The following ASTN2 variants were observed in gnomAD, a reference collection of about 807,000 sequenced individuals.
The protein encoded by ASTN2 is astrotactin 2.
In ASTN2, 54 loss-of-function variants were observed where a neutral mutation model predicts 139.8. The ratio of observed to expected loss-of-function variants is 0.39; its 90% confidence interval spans 0.31 to 0.48. The LOEUF (loss-of-function observed/expected upper bound fraction) is 0.48. Among genes scored for constraint, ASTN2 ranks in the 20% least tolerant of loss-of-function variants. The pLI, the probability that ASTN2 is intolerant of heterozygous loss-of-function variation, is 0.95. For synonymous variants in ASTN2, 756 were observed against 719.5 expected, an observed-to-expected ratio of 1.05 and a Z score of -0.81; for missense variants, 1,565 against 1,725.1, an observed-to-expected ratio of 0.91 and a Z score of 1.64.
Position 116,575,998 on chromosome 9 carries a change from C to T in ASTN2, c.3355+42326G>A, listed in dbSNP as rs959045200. On this transcript the variant is annotated intron_variant, in intron 19 of 22. Coordinates refer to ENST00000313400, the MANE Select transcript of ASTN2 (RefSeq NM_001365068.1). Reference sequence around the variant, plus strand: ...TTGTCCCAACACTGACCTTCCCAACCTGGGAAGCATTTTACAAAGTAGCAG... The same window carrying T: ...TTGTCCCAACACTGACCTTCCCAACTTGGGAAGCATTTTACAAAGTAGCAG... Among the ~76,000 whole-genome samples, 6 of 152,224 alleles carry T rather than the reference C, an allele frequency of 3.9e-5. No individual in the cohort carries two copies. In the South Asian group the frequency reaches 1.2e-3, roughly 32 times the overall value.
intron 19 of ASTN2, among the ~76,000 whole-genome samples, chr9:116,521,155 C>T (rs1850853211): frequency 6.6e-6 from 1 of 151,924 alleles, no homozygotes; most frequent in East Asian, 1.9e-4. Context: ...AAAAAACAAT[C>T]CTAAAATCTA....
chr9:117,214,785 T>A, intron 2 of ASTN2, 43 bp from the exon 3 acceptor site: 2 of 1,432,532 alleles, frequency 1.4e-6, no homozygotes, highest in South Asian at 1.7e-5. Context: ...CACTGTTCTT[T>A]GGAATCGAGG....
chr9:116,450,528 A>G (rs968149824), intron 20 of ASTN2, among the ~76,000 whole-genome samples: 27 of 152,188 alleles, frequency 1.8e-4, no homozygotes, highest in African/African-American at 6.3e-4. Context: ...CAGTTTGAGT[A>G]ATAATGGCTT....
At chr9:117,010,717 C>T (rs1837503459) in intron 6 of ASTN2, among the ~76,000 whole-genome samples, 1 of 152,106 alleles carries the variant, frequency 6.6e-6, no homozygotes, top group Admixed American at 6.6e-5. Context: ...TTTTGGGGTA[C>T]ATATTCTTGT....
chr9:117,282,525 T>C (rs1834348757), intron 2 of ASTN2, among the ~76,000 whole-genome samples: 1 of 152,174 alleles, frequency 6.6e-6, no homozygotes, highest in African/African-American at 2.4e-5. Flanking sequence ...GAAGGTGGGG[T>C]ACATTCTATT....
chr9:116,979,373 C>G (rs1186040321), intron 7 of ASTN2, among the ~76,000 whole-genome samples: 1 of 152,102 alleles, frequency 6.6e-6, no homozygotes, highest in Non-Finnish European at 1.5e-5. Context: ...TACTCCTTCC[C>G]TGCAACATCA....
At chr9:117,269,575 T>C (rs1024977010) in intron 2 of ASTN2, among the ~76,000 whole-genome samples, 7 of 152,156 alleles carry the variant, frequency 4.6e-5, no homozygotes, top group African/African-American at 1.4e-4. Flanking sequence ...ATTTGTTTGC[T>C]TGAAGAACAT....
chr9:116,597,851 G>A (rs919207297), intron 19 of ASTN2, among the ~76,000 whole-genome samples: 4 of 152,122 alleles, frequency 2.6e-5, no homozygotes, highest in African/African-American at 9.7e-5. Context: ...AGGGAACTCT[G>A]ATGTGCTGAA....
At chr9:117,331,443 A>G (rs896796590) in intron 1 of ASTN2, among the ~76,000 whole-genome samples, 1 of 152,148 alleles carries the variant, frequency 6.6e-6, no homozygotes, top group South Asian at 2.1e-4. Context: ...CAGAATATCA[A>G]TTGAGCCTCG....
intron 5 of ASTN2, among the ~76,000 whole-genome samples, chr9:117,093,232 G>T (rs951379995): frequency 6.6e-6 from 1 of 152,072 alleles, no homozygotes. Flanking sequence ...CTCCCTTCCT[G>T]TCCCCATAGT....
intron 1 of ASTN2, among the ~76,000 whole-genome samples, chr9:117,378,251 G>A (rs1291572173): frequency 6.6e-6 from 1 of 152,194 alleles, no homozygotes; most frequent in African/African-American, 2.4e-5. Context: ...TGGGGTCAGG[G>A]AGTAGATCCA....
chr9:116,824,742 T>C (rs1328225405), intron 11 of ASTN2, among the ~76,000 whole-genome samples: 1 of 152,256 alleles, frequency 6.6e-6, no homozygotes, highest in Non-Finnish European at 1.5e-5. Flanking sequence ...AGCTAACTAA[T>C]ATAGTGAAAT....
chr9:117,001,989 G>A (rs1837205711), intron 7 of ASTN2, among the ~76,000 whole-genome samples: 1 of 152,128 alleles, frequency 6.6e-6, no homozygotes, highest in South Asian at 2.1e-4. Flanking sequence ...TGAATCTAAT[G>A]AATTGAACTA....
chr9:117,302,422 C>T (rs984820312), intron 1 of ASTN2, among the ~76,000 whole-genome samples: 6 of 152,044 alleles, frequency 3.9e-5, no homozygotes, highest in East Asian at 1.9e-4. Flanking sequence ...AGAAGAACAA[C>T]GAGACAAGGA....
chr9:116,720,572 C>G (rs1828443931), intron 16 of ASTN2, among the ~76,000 whole-genome samples: 1 of 151,512 alleles, frequency 6.6e-6, no homozygotes, highest in African/African-American at 2.4e-5. Flanking sequence ...CTCTCTCTCT[C>G]TCTCTCTGCC....
At chr9:116,612,394 T>A (rs763187599) in intron 19 of ASTN2, 1 of 152,168 alleles carries the variant, frequency 6.6e-6, no homozygotes, top group Non-Finnish European at 1.5e-5. Flanking sequence ...TACAGAACTA[T>A]CCACCCCAAT....
intron 1 of ASTN2, among the ~76,000 whole-genome samples, chr9:117,318,854 T>C (rs922582792): frequency 1.6e-4 from 25 of 152,288 alleles, no homozygotes; most frequent in African/African-American, 4.8e-4. Context: ...GATCTTATTG[T>C]TATAAGGCAC....
At chr9:116,655,131 T>C (rs1173362796) in intron 16 of ASTN2, among the ~76,000 whole-genome samples, 3 of 152,206 alleles carry the variant, frequency 2.0e-5, no homozygotes, top group Non-Finnish European at 4.4e-5. Context: ...AAGGGACTTA[T>C]TTCTAAGTCT....
intron 19 of ASTN2, among the ~76,000 whole-genome samples, chr9:116,511,805 T>C (rs965295914): frequency 6.6e-6 from 1 of 152,202 alleles, no homozygotes; most frequent in Non-Finnish European, 1.5e-5. Context: ...GTGTTTATAG[T>C]ATTCTCTGAC....
Sources: allele counts gnomAD v4.1 joint callset (sites outside exome capture counted in the v4.1 genomes callset), GRCh38; gene constraint gnomAD v4.1.1; transcripts MANE v1.5; gene names NCBI Gene and HGNC (gene_info 2026-07-23, HGNC 2026-07-21).